UBE2R2: variants seen among roughly 807,000 people sequenced by gnomAD.
The protein encoded by UBE2R2 is ubiquitin-conjugating enzyme E2 R2.
A neutral mutation model predicts 27.8 loss-of-function variants in UBE2R2; 1 was observed. The observed-to-expected ratio is 0.04, with a 90% confidence interval of 0.01 to 0.17. UBE2R2 has a LOEUF of 0.17. Ranked by LOEUF, UBE2R2 falls within the 10% of genes least tolerant of loss-of-function variation. UBE2R2 has a pLI of 1.00. For missense variants in UBE2R2, 100 were observed against 291.0 expected (o/e 0.34, Z 4.78); for synonymous variants, 106 against 113.3 (o/e 0.94, Z 0.41).
In UBE2R2 at chr9:33,877,752, A is replaced by G. The variant is rs185170038; in HGVS notation, c.178-9129A>G. On this transcript the variant is annotated intron_variant, in intron 1 of 4. Coordinates refer to ENST00000263228, the MANE Select transcript of UBE2R2 (RefSeq NM_017811.4). Reference sequence around the variant, plus strand: ...GGCAAGTAGGTAAAAGAGGTAAAACAGTGAAAATTAGCAATATATAAAACA... The same window carrying G: ...GGCAAGTAGGTAAAAGAGGTAAAACGGTGAAAATTAGCAATATATAAAACA... 3.3e-3 allele frequency among the ~76,000 whole-genome samples: 498 copies of G among 152,152 alleles called. 4 individuals carry two copies. Among genetic ancestry groups the G allele is most frequent in the Admixed American group, 0.023 (346 of 15,264 alleles).
chr9:33,825,633 G>C (rs1210239446), intron 1 of UBE2R2, among the ~76,000 whole-genome samples: 1 of 152,140 alleles, frequency 6.6e-6, no homozygotes, highest in East Asian at 1.9e-4. Flanking sequence ...TTAATGGTCA[G>C]TTGGAGACAC....
chr9:33,918,253 A>G lies in UBE2R2; in HGVS notation c.*1016A>G, dbSNP rs1822705103. 1 of 152,076 alleles carries G rather than the reference A, an allele frequency of 6.6e-6. No homozygotes were observed. Among genetic ancestry groups the G allele is most frequent in the African/African-American group, 2.4e-5 (1 of 41,406 alleles). 9.4% of individuals were successfully genotyped at this position (152,076 alleles called of 1,614,324 possible). A position where few individuals can be genotyped will look rare whatever the true frequency, so the allele number is the denominator to read the frequency against. On this transcript the variant is annotated 3_prime_UTR_variant, in exon 5 of 5. Transcript: ENST00000263228. Reference sequence around the variant, plus strand: ...GACGTTTTGTTTTTGTTTTTTAAGTAGCCACTTTTAATTACTCAGTATTAA... The same window carrying G: ...GACGTTTTGTTTTTGTTTTTTAAGTGGCCACTTTTAATTACTCAGTATTAA...
At position 33,912,018 on chromosome 9, in the gene UBE2R2, A is replaced by G. The variant is rs1822503691; in HGVS notation, c.417A>G (p.Pro139=). 2 of 1,613,984 alleles carry G rather than the reference A, an allele frequency of 1.2e-6. No individual in the cohort carries two copies. Among genetic ancestry groups the G allele is most frequent in the Non-Finnish European group, 1.7e-6 (2 of 1,179,904 alleles). Residue 139 remains proline, a synonymous_variant, in exon 4 of 5, where the codon CCA becomes CCG. Coordinates refer to ENST00000263228, the MANE Select transcript of UBE2R2 (RefSeq NM_017811.4). ...TTAATGAGCCCAACACCTTCTCCCCAGCCAATGTCGATGCTTCAGTTATGT... is the reference window on the plus strand; with the variant it reads ...TTAATGAGCCCAACACCTTCTCCCCGGCCAATGTCGATGCTTCAGTTATGT... ...SLLNEPNTFS[P]ANVDASVMFR...
At chr9:33,858,933 C>T (rs1246106018) in intron 1 of UBE2R2, among the ~76,000 whole-genome samples, 1 of 152,042 alleles carries the variant, frequency 6.6e-6, no homozygotes, top group Non-Finnish European at 1.5e-5. Flanking sequence ...TCAAGCAGTT[C>T]TCCTGCCTCA....
chr9:33,848,758 C>G (rs528997645), intron 1 of UBE2R2, among the ~76,000 whole-genome samples: 1 of 151,952 alleles, frequency 6.6e-6, no homozygotes, highest in South Asian at 2.1e-4. Context: ...GTGCCTGCCA[C>G]CACGCCTGGC....
chr9:33,904,953 C>T (rs1293281773), intron 3 of UBE2R2, among the ~76,000 whole-genome samples: 1 of 152,074 alleles, frequency 6.6e-6, no homozygotes, highest in Non-Finnish European at 1.5e-5. Context: ...ATGGAGGAAA[C>T]AAAATGTGCC....
intron 1 of UBE2R2, among the ~76,000 whole-genome samples, chr9:33,871,782 C>T (rs1821490181): frequency 6.6e-6 from 1 of 152,194 alleles, no homozygotes; most frequent in East Asian, 1.9e-4. Flanking sequence ...GTGATCTTGG[C>T]TCACCGCAAC....
rs1457825476 is a variant in UBE2R2, at chr9:33,919,878, G to A, written c.*2641G>A. On this transcript the variant is annotated 3_prime_UTR_variant, in exon 5 of 5. Transcript: ENST00000263228. ...TTGAGGCCTCACTAGATGCTCTTCA[G>A]TTCTGTGTATTTTGAGGCTGGGTGG... The A allele has an allele frequency of 6.6e-6, 1 of 152,090 alleles. No individual in the cohort carries two copies. Among genetic ancestry groups the A allele is most frequent in the Non-Finnish European group, 1.5e-5 (1 of 68,026 alleles). The allele number at this position is 152,090 out of a possible 1,614,324, so 9.4% of individuals were successfully genotyped here.
chr9:33,823,527 C>G (rs1416043001), intron 1 of UBE2R2, among the ~76,000 whole-genome samples: 1 of 152,144 alleles, frequency 6.6e-6, no homozygotes, highest in African/African-American at 2.4e-5. Context: ...AGGTGCGTGC[C>G]AGCACGCCCG....
chr9:33,829,802 T>G (rs1820408745), intron 1 of UBE2R2, among the ~76,000 whole-genome samples: 1 of 150,546 alleles, frequency 6.6e-6, no homozygotes, highest in African/African-American at 2.4e-5. Context: ...CGTTTTTTTT[T>G]TTTTTTTTTT....
At position 33,912,006 on chromosome 9, in the gene UBE2R2, C is replaced by T; in HGVS notation, c.405C>T (p.Asn135=). ...TAATCTCACTGCTTAATGAGCCCAA[C>T]ACCTTCTCCCCAGCCAATGTCGATG... ...LSVISLLNEP[N]TFSPANVDAS... is the part of the protein sequence containing the mutation. Residue 135 remains asparagine, a synonymous_variant, in exon 4 of 5, where the codon AAC becomes AAT. Coordinates refer to ENST00000263228, the MANE Select transcript of UBE2R2 (RefSeq NM_017811.4). 1 of 1,613,894 alleles carries T rather than the reference C, an allele frequency of 6.2e-7. No homozygotes were observed. Among genetic ancestry groups the T allele is most frequent in the Non-Finnish European group, 8.5e-7 (1 of 1,179,900 alleles).
Position 33,821,091 on chromosome 9 carries a change from C to T in UBE2R2, c.177+3157C>T, listed in dbSNP as rs571283269. On this transcript the variant is annotated intron_variant, in intron 1 of 4. Transcript: ENST00000263228. ...TAAGCAAGTCGGAATTTTATTGTTA[C>T]TAGAAAAATAAATTGTGGATCAAGT... Among the ~76,000 whole-genome samples, 12 of 152,248 alleles carry T rather than the reference C, an allele frequency of 7.9e-5. No homozygotes were observed. In the South Asian group the frequency reaches 2.5e-3, roughly 32 times the overall value.
At chr9:33,890,264 A>G (rs954114597) in intron 2 of UBE2R2, among the ~76,000 whole-genome samples, 2 of 151,406 alleles carry the variant, frequency 1.3e-5, no homozygotes, top group African/African-American at 4.9e-5. Context: ...ATGTGTAGAT[A>G]TTTTTCACAC....
intron 1 of UBE2R2, among the ~76,000 whole-genome samples, chr9:33,821,538 T>C (rs544369738): frequency 1.3e-4 from 20 of 152,288 alleles, no homozygotes; most frequent in Middle Eastern, 6.8e-3. Context: ...TTGGAACTTT[T>C]GCATTATTTA....
chr9:33,852,102 G>T (rs1033268075), intron 1 of UBE2R2, among the ~76,000 whole-genome samples: 1 of 151,956 alleles, frequency 6.6e-6, no homozygotes, highest in South Asian at 2.1e-4. Flanking sequence ...CTGAGACCAG[G>T]AGTTCGACAT....
intron 1 of UBE2R2, among the ~76,000 whole-genome samples, chr9:33,865,576 G>A (rs1042826201): frequency 1.3e-5 from 2 of 152,138 alleles, no homozygotes; most frequent in African/African-American, 2.4e-5. Context: ...TGTGGAAGAT[G>A]AGGATTTCTC....
chr9:33,852,381 C>T (rs546492462), intron 1 of UBE2R2, among the ~76,000 whole-genome samples: 4 of 152,120 alleles, frequency 2.6e-5, no homozygotes, highest in Non-Finnish European at 5.9e-5. Flanking sequence ...CTGCATGATC[C>T]AAATCTGACC....
chr9:33,858,059 T>C (rs1821148014), intron 1 of UBE2R2, among the ~76,000 whole-genome samples: 2 of 152,194 alleles, frequency 1.3e-5, no homozygotes, highest in Admixed American at 1.3e-4. Context: ...CCTCACAGAA[T>C]AATCGCATAT....
chr9:33,872,228 C>CA (rs760878428), intron 1 of UBE2R2, among the ~76,000 whole-genome samples: 228 of 133,518 alleles, frequency 1.7e-3, no homozygotes, highest in Middle Eastern at 3.9e-3. Context: ...CTATCTCTAC[C>CA]AAAAAAAAAA....
Sources: gnomAD v4.1 joint callset for allele counts (sites outside exome capture counted in the v4.1 genomes callset) on GRCh38, gnomAD v4.1.1 for gene constraint, MANE v1.5 for transcripts, NCBI Gene and HGNC (gene_info 2026-07-23, HGNC 2026-07-21) for gene names.